The following ANKRD6 variants were observed in gnomAD, a reference collection of about 807,000 sequenced individuals.
ANKRD6 encodes ankyrin repeat domain 6.
ANKRD6 carries 56 observed loss-of-function variants against 82.3 expected under a neutral mutation model. That is an observed-to-expected ratio of 0.68 (90% CI 0.55 to 0.85). ANKRD6 has a LOEUF of 0.85. Ranked by LOEUF, ANKRD6 falls within the 40% of genes least tolerant of loss-of-function variation. The pLI is 0.00. For synonymous variants in ANKRD6, 347 were observed against 352.1 expected (o/e 0.99, Z 0.16); for missense variants, 852 against 907.6 (o/e 0.94, Z 0.79).
At chr6:89,517,201 A>G (rs1781337604) in intron 1 of ANKRD6, among the ~76,000 whole-genome samples, 1 of 152,204 alleles carries the variant, frequency 6.6e-6, no homozygotes, top group Non-Finnish European at 1.5e-5. Context: ...ATGTTTGTGT[A>G]ATTTGTTACA....
intron 1 of ANKRD6, among the ~76,000 whole-genome samples, chr6:89,497,498 G>A (rs1778766342): frequency 6.6e-6 from 1 of 152,048 alleles, no homozygotes; most frequent in African/African-American, 2.4e-5. Flanking sequence ...TACAAGAAAT[G>A]GTATATATGA....
chr6:89,581,420 T>C (rs1792499613), intron 2 of ANKRD6: 1 of 152,240 alleles, frequency 6.6e-6, no homozygotes, highest in Non-Finnish European at 1.5e-5. Flanking sequence ...CCACCAGCAG[T>C]GTGTGAGGAG....
intron 9 of ANKRD6, 149 bp from the exon 10 acceptor site, chr6:89,621,773 G>A (rs1803408575): frequency 1.4e-6 from 1 of 714,798 alleles, no homozygotes; most frequent in Non-Finnish European, 2.5e-6. Flanking sequence ...GATGGTAGGT[G>A]GTCCAGAGGT....
intron 1 of ANKRD6, among the ~76,000 whole-genome samples, chr6:89,437,210 TA>T (rs1046271414): frequency 2.6e-5 from 4 of 152,126 alleles, no homozygotes; most frequent in African/African-American, 7.2e-5. Flanking sequence ...CCCCACCCCA[TA>T]AAAGGCCCCT....
chr6:89,616,611 C>T lies in ANKRD6; in HGVS notation c.668C>T (p.Ala223Val), dbSNP rs770866691. 12 of 1,613,866 alleles carry T rather than the reference C, an allele frequency of 7.4e-6. No individual in the cohort carries two copies. The African/African-American group carries it at 1.3e-4, about 18-fold the overall frequency. ...VAAALNHKKV[A>V]KILLEAGADT... Reference sequence around the variant, plus strand: ...GCTGCCCTAAATCACAAGAAGGTGGCCAAAATCTTACTGGAAGCCGGAGCA... The same window carrying T: ...GCTGCCCTAAATCACAAGAAGGTGGTCAAAATCTTACTGGAAGCCGGAGCA... The change falls in exon 8 of 16, where the codon GCC (alanine) becomes GTC (valine). Residue 223 changes from alanine to valine, a missense_variant. Physicochemically the swap from Ala to Val is moderately conservative, Grantham distance 64. Transcript: ENST00000339746.
intron 3 of ANKRD6, among the ~76,000 whole-genome samples, chr6:89,599,427 T>G (rs1041191417): frequency 8.5e-5 from 13 of 152,202 alleles, no homozygotes; most frequent in African/African-American, 2.9e-4. Context: ...TTGAGAGTGC[T>G]CTACCTTTTC....
chr6:89,477,088 G>A (rs961235505), intron 1 of ANKRD6, among the ~76,000 whole-genome samples: 4 of 152,090 alleles, frequency 2.6e-5, no homozygotes, highest in African/African-American at 7.2e-5. Flanking sequence ...GGGACTACAG[G>A]CACCCCCTAC....
At chr6:89,469,247 G>T (rs1253887282) in intron 1 of ANKRD6, among the ~76,000 whole-genome samples, 1 of 152,130 alleles carries the variant, frequency 6.6e-6, no homozygotes, top group African/African-American at 2.4e-5. Context: ...GACCCCTACC[G>T]TGATGCCTTT....
intron 1 of ANKRD6, among the ~76,000 whole-genome samples, chr6:89,527,518 C>T (rs1018511020): frequency 4.5e-5 from 6 of 132,134 alleles, no homozygotes; most frequent in South Asian, 2.7e-4. Context: ...CACTTGAACC[C>T]GGGAGGCATA....
chr6:89,540,679 G>A (rs564053977), intron 1 of ANKRD6, among the ~76,000 whole-genome samples: 28 of 152,234 alleles, frequency 1.8e-4, no homozygotes, highest in Admixed American at 9.2e-4. Flanking sequence ...TGCTTGCGGG[G>A]TATTGCTCAA....
chr6:89,630,226 C>T (rs1272252040), intron 15 of ANKRD6, among the ~76,000 whole-genome samples: 4 of 152,086 alleles, frequency 2.6e-5, no homozygotes, highest in African/African-American at 9.7e-5. Flanking sequence ...AAAGCTCTGA[C>T]AAGCCAAAGT....
intron 9 of ANKRD6, chr6:89,621,279 G>A (rs1318939043): frequency 2.6e-5 from 4 of 152,476 alleles, no homozygotes; most frequent in Non-Finnish European, 5.9e-5. Flanking sequence ...ATAGCCAGTA[G>A]CTACTGGGTT....
intron 1 of ANKRD6, among the ~76,000 whole-genome samples, chr6:89,492,164 C>T (rs1441506468): frequency 2.0e-5 from 3 of 152,216 alleles, no homozygotes; most frequent in Non-Finnish European, 4.4e-5. Flanking sequence ...TGCTTTTCCT[C>T]CCTATAAGGG....
At chr6:89,510,523 A>G (rs1780404601) in intron 1 of ANKRD6, among the ~76,000 whole-genome samples, 1 of 152,160 alleles carries the variant, frequency 6.6e-6, no homozygotes, top group Non-Finnish European at 1.5e-5. Flanking sequence ...TTGCTAATTC[A>G]ACAGCTTTAT....
intron 1 of ANKRD6, among the ~76,000 whole-genome samples, chr6:89,451,664 TA>T (rs1772839293): frequency 6.6e-6 from 1 of 152,190 alleles, no homozygotes; most frequent in South Asian, 2.1e-4. Context: ...CGTCCTAAAC[TA>T]ACTAATTTAT....
chr6:89,435,951 T>C (rs568131603), intron 1 of ANKRD6, among the ~76,000 whole-genome samples: 167 of 152,312 alleles, frequency 1.1e-3, no homozygotes, highest in Non-Finnish European at 2.0e-3. Flanking sequence ...CTTACACTGT[T>C]TTGTTACTTC....
intron 1 of ANKRD6, among the ~76,000 whole-genome samples, chr6:89,531,800 A>G (rs1035740184): frequency 6.6e-6 from 1 of 152,250 alleles, no homozygotes; most frequent in Admixed American, 6.5e-5. Flanking sequence ...AAAAAGGCCA[A>G]TAGGTTGTGT....
intron 2 of ANKRD6, among the ~76,000 whole-genome samples, chr6:89,580,422 A>C (rs1288386060): frequency 6.6e-6 from 1 of 152,168 alleles, no homozygotes; most frequent in Non-Finnish European, 1.5e-5. Context: ...TAAAGTAGTA[A>C]CTTTCCCCAG....
chr6:89,619,044 T>G (rs1039382876), intron 9 of ANKRD6, among the ~76,000 whole-genome samples: 2 of 152,134 alleles, frequency 1.3e-5, no homozygotes, highest in South Asian at 4.1e-4. Flanking sequence ...TGGCCTTTAT[T>G]TTGTTTAAGT....
Sources: allele counts gnomAD v4.1 joint callset (sites outside exome capture counted in the v4.1 genomes callset), GRCh38; gene constraint gnomAD v4.1.1; transcripts MANE v1.5; gene names NCBI Gene and HGNC (gene_info 2026-07-23, HGNC 2026-07-21).